Variants in POLA1 observed in about 807,000 individuals in gnomAD.
The protein encoded by POLA1 is DNA polymerase alpha 1, catalytic subunit.
In POLA1, 15 loss-of-function variants were observed where a neutral mutation model predicts 124.0. That is an observed-to-expected ratio of 0.12 (90% CI 0.08 to 0.19). The LOEUF is 0.19. POLA1 is among the 10% of genes least tolerant of loss of function. The probability of loss-of-function intolerance (pLI) is 1.00; values close to 1 mark genes in which losing one functional copy is unlikely to be tolerated. For synonymous variants in POLA1, 408 were observed against 389.4 expected (o/e 1.05, Z -0.56); for missense variants, 886 against 1,103.4 (o/e 0.80, Z 2.79).
intron 36 of POLA1, among the ~76,000 whole-genome samples, chrX:24,954,992 C>CT (rs1394618799): frequency 8.9e-6 from 1 of 111,750 alleles, no homozygotes; most frequent in Non-Finnish European, 1.9e-5. Context: ...TGAGCTTGCT[C>CT]TTTTTTCCTT....
intron 36 of POLA1, among the ~76,000 whole-genome samples, chrX:24,944,518 T>G (rs1423702058): frequency 8.9e-6 from 1 of 112,037 alleles, no homozygotes; most frequent in African/African-American, 3.2e-5. Flanking sequence ...ACTTTTTTCC[T>G]TCTTTCAACC....
chrX:24,775,395 T>G (rs1290317354), intron 26 of POLA1: 1 of 112,229 alleles, frequency 8.9e-6, no homozygotes. Context: ...CTGTGGAATT[T>G]TACAGTGGAT....
At chrX:24,963,504 G>C (rs1350039704) in intron 36 of POLA1, among the ~76,000 whole-genome samples, 1 of 111,843 alleles carries the variant, frequency 8.9e-6, no homozygotes, top group Non-Finnish European at 1.9e-5. Flanking sequence ...TTACTGTGCT[G>C]TGAGTTTTCC....
At chrX:24,902,374 T>G (rs1267591237) in intron 35 of POLA1, among the ~76,000 whole-genome samples, 1 of 111,870 alleles carries the variant, frequency 8.9e-6, no homozygotes, top group East Asian at 2.8e-4. Flanking sequence ...TTTCTCTACA[T>G]AATCTATTTA....
intron 36 of POLA1, among the ~76,000 whole-genome samples, chrX:24,993,405 T>C (rs776372164): frequency 1.6e-4 from 18 of 112,512 alleles, no homozygotes; most frequent in African/African-American, 1.9e-4. Flanking sequence ...ACAGTTGTTA[T>C]TGGGCACCTG....
intron 35 of POLA1, among the ~76,000 whole-genome samples, chrX:24,895,907 C>G (rs750549990): frequency 8.9e-6 from 1 of 112,262 alleles, no homozygotes; most frequent in Non-Finnish European, 1.9e-5. Context: ...ATCTTTGCTT[C>G]TAGTTTGTAA....
At chrX:24,849,276 C>T (rs1243706143) in intron 34 of POLA1, among the ~76,000 whole-genome samples, 1 of 112,561 alleles carries the variant, frequency 8.9e-6, no homozygotes, top group African/African-American at 3.2e-5. Context: ...TGCCCAGCAG[C>T]GCTTGAAGAA....
intron 36 of POLA1, among the ~76,000 whole-genome samples, chrX:24,989,818 T>C (rs753381888): frequency 7.8e-4 from 87 of 111,537 alleles, no homozygotes; most frequent in Non-Finnish European, 1.4e-3. Flanking sequence ...AGGCCTTTGG[T>C]ACAGTTGATC....
At chrX:24,709,193 G>A (rs1929095310) in intron 4 of POLA1, among the ~76,000 whole-genome samples, 1 of 97,256 alleles carries the variant, frequency 1.0e-5, no homozygotes, top group African/African-American at 3.9e-5. Context: ...GGGCAGGGGG[G>A]CTGACCCCCC....
intron 35 of POLA1, among the ~76,000 whole-genome samples, chrX:24,892,096 T>C (rs926654387): frequency 9.0e-6 from 1 of 111,263 alleles, no homozygotes. Flanking sequence ...GGACAGTTTT[T>C]TTCTCAGGGT....
intron 26 of POLA1, among the ~76,000 whole-genome samples, chrX:24,801,926 T>TGTGTGG (rs2045716271): frequency 1.2e-5 from 1 of 85,573 alleles, no homozygotes; most frequent in Non-Finnish European, 2.3e-5. Flanking sequence ...GGTGGGTGGG[T>TGTGTGG]GTGTGTGTGT....
In POLA1 at chrX:24,700,855, A is replaced by G. The variant is rs34481545; in HGVS notation, c.168+1306A>G. ...GTAGGTACTTGTATAAAGGAGTTCC[A>G]TGGGGCATTTCAGATGTTGGCACAA... On this transcript the variant is annotated intron_variant, in intron 2 of 36. Coordinates refer to ENST00000379068, the MANE Select transcript of POLA1 (RefSeq NM_001330360.2). Among the ~76,000 whole-genome samples, 874 of 112,161 alleles carry G rather than the reference A, an allele frequency of 7.8e-3. 17 individuals carry two copies. The highest frequency in any genetic ancestry group is 0.066 in the East Asian group (235 of 3,563).
intron 35 of POLA1, among the ~76,000 whole-genome samples, chrX:24,927,205 A>G (rs11573479): frequency 0.051 from 5,658 of 110,097 alleles, 271 homozygotes; most frequent in African/African-American, 0.15. Context: ...CTGATATAGG[A>G]CCTCATCAGA....
chrX:24,797,722 T>A (rs2045632250), intron 26 of POLA1, among the ~76,000 whole-genome samples: 1 of 111,505 alleles, frequency 9.0e-6, no homozygotes, highest in South Asian at 3.7e-4. Flanking sequence ...ATAATTCATA[T>A]CAAATTCTTG....
intron 26 of POLA1, among the ~76,000 whole-genome samples, chrX:24,780,845 C>T (rs1244351963): frequency 1.8e-5 from 2 of 112,008 alleles, no homozygotes. Context: ...AATATTCCTT[C>T]CTCTTCCATT....
intron 36 of POLA1, among the ~76,000 whole-genome samples, chrX:24,982,921 C>T (rs2048438038): frequency 1.8e-5 from 2 of 111,717 alleles, no homozygotes; most frequent in African/African-American, 3.3e-5. Flanking sequence ...TAAGCCTGCT[C>T]CATTTCCTCC....
chrX:24,919,825 T>TTTTTTGTTTTG (rs2147195379), intron 35 of POLA1, among the ~76,000 whole-genome samples: 1 of 87,889 alleles, frequency 1.1e-5, no homozygotes, highest in South Asian at 5.5e-4. Flanking sequence ...TTTTTGTTTT[T>TTTTTTGTTTTG]TTTTTTGTTT....
intron 36 of POLA1, among the ~76,000 whole-genome samples, chrX:24,949,703 ATTTTTCTTTTC>A (rs1448404073): frequency 9.6e-6 from 1 of 103,861 alleles, no homozygotes; most frequent in Non-Finnish European, 2.0e-5. Flanking sequence ...GGCACTGTAT[ATTTTTCTTTTC>A]TTTTTCTTTT....
At chrX:24,966,876 G>A (rs547309787) in intron 36 of POLA1, among the ~76,000 whole-genome samples, 1 of 112,452 alleles carries the variant, frequency 8.9e-6, no homozygotes. Flanking sequence ...AAAACAGTTT[G>A]TATATTTTGG....
Sources: gnomAD v4.1 joint callset for allele counts (sites outside exome capture counted in the v4.1 genomes callset) on GRCh38, gnomAD v4.1.1 for gene constraint, MANE v1.5 for transcripts, NCBI Gene and HGNC (gene_info 2026-07-23, HGNC 2026-07-21) for gene names.